PHF24: variants seen among roughly 807,000 people sequenced by gnomAD.
PHF24 encodes PHD finger protein 24, also known as Galpha inhibitory interacting protein.
Under a neutral mutation model 42.6 loss-of-function variants are expected in PHF24, and 25 were observed. The observed-to-expected ratio is 0.59, with a 90% CI of 0.43 to 0.82. PHF24 has a LOEUF of 0.82. PHF24 is among the 40% of genes least tolerant of loss of function. PHF24 has a pLI of 0.00. For synonymous variants in PHF24, 185 were observed against 204.8 expected (o/e 0.90, Z 0.83); for missense variants, 470 against 538.1 (o/e 0.87, Z 1.25).
At chr9:34,682,158 T>TA in the PHF24 span, among the ~76,000 whole-genome samples, 1 of 147,144 alleles carries the variant, frequency 6.8e-6, no homozygotes. Context: ...CTATTTTTTT[T>TA]TTTTTTTTTT....
At chr9:34,689,503 T>C in the PHF24 span, 1 of 311,614 alleles carries the variant, frequency 3.2e-6, no homozygotes, top group Non-Finnish European at 5.9e-6. This position sits in a 1 kb window ranked among gnomAD's most constrained non-coding sequence, Gnocchi z 4.1. Context: ...TTTTTTTTTT[T>C]TTTTAAGGCT....
the PHF24 span, among the ~76,000 whole-genome samples, chr9:34,857,534 T>C: frequency 6.6e-6 from 1 of 152,160 alleles, no homozygotes; most frequent in Admixed American, 6.5e-5. Context: ...ACTGCTTCCC[T>C]TGACTGAGGG....
the PHF24 span, among the ~76,000 whole-genome samples, chr9:34,850,314 T>A: frequency 1.3e-5 from 2 of 152,144 alleles, no homozygotes; most frequent in Non-Finnish European, 2.9e-5. Flanking sequence ...TTTATTCTTT[T>A]TTCTCTAAAC....
the PHF24 span, among the ~76,000 whole-genome samples, chr9:34,870,903 GT>G: frequency 6.6e-6 from 1 of 152,166 alleles, no homozygotes. Context: ...GAGTAAAGCT[GT>G]TATAAACATC....
chr9:34,865,756 A>G, the PHF24 span, among the ~76,000 whole-genome samples: 1 of 152,196 alleles, frequency 6.6e-6, no homozygotes, highest in Non-Finnish European at 1.5e-5. Flanking sequence ...TGAGGTTTCA[A>G]CTGGGGAAGG....
chr9:34,747,965 C>T, the PHF24 span, among the ~76,000 whole-genome samples: 2 of 151,948 alleles, frequency 1.3e-5, no homozygotes, highest in African/African-American at 4.8e-5. Context: ...AAATGCTAAA[C>T]AACAATGAAA....
chr9:34,838,673 A>C, the PHF24 span: 1 of 450,018 alleles, frequency 2.2e-6, no homozygotes, highest in Non-Finnish European at 4.0e-6. Context: ...AGGGAAGCTC[A>C]TGTGGTGATT....
At chr9:34,704,478 AGTGTGT>A in the PHF24 span, among the ~76,000 whole-genome samples, 1 of 150,712 alleles carries the variant, frequency 6.6e-6, no homozygotes, top group Non-Finnish European at 1.5e-5. Flanking sequence ...TGATTTCATT[AGTGTGT>A]GTGTGTGTGT....
At chr9:34,882,324 A>G in the PHF24 span, among the ~76,000 whole-genome samples, 2 of 152,212 alleles carry the variant, frequency 1.3e-5, no homozygotes, top group Non-Finnish European at 2.9e-5. Context: ...GCCCTCTCTC[A>G]CCACTCCTAT....
the PHF24 span, among the ~76,000 whole-genome samples, chr9:34,842,068 A>G: frequency 6.6e-6 from 1 of 152,182 alleles, no homozygotes; most frequent in Non-Finnish European, 1.5e-5. Flanking sequence ...CTAGAGTTTT[A>G]TATAAACGTA....
At chr9:34,720,439 G>A in the PHF24 span, among the ~76,000 whole-genome samples, 1 of 139,012 alleles carries the variant, frequency 7.2e-6, no homozygotes, top group East Asian at 2.1e-4. Flanking sequence ...GCGACAGAGC[G>A]AGACTCCGTC....
At chr9:34,741,943 T>C in the PHF24 span, among the ~76,000 whole-genome samples, 2 of 152,306 alleles carry the variant, frequency 1.3e-5, no homozygotes, top group African/African-American at 4.8e-5. Flanking sequence ...GATATGTGAT[T>C]CTCAGTGTGT....
At chr9:34,683,519 A>G in the PHF24 span, among the ~76,000 whole-genome samples, 3 of 152,202 alleles carry the variant, frequency 2.0e-5, no homozygotes, top group Non-Finnish European at 2.9e-5. Flanking sequence ...ATCCTGCACC[A>G]TGAAGGGTCT....
chr9:34,779,080 G>A, the PHF24 span, among the ~76,000 whole-genome samples: 4 of 152,030 alleles, frequency 2.6e-5, no homozygotes, highest in South Asian at 2.1e-4. Flanking sequence ...CTACCAAAAC[G>A]TATGGAAAGC....
At chr9:34,783,352 C>T in the PHF24 span, among the ~76,000 whole-genome samples, 29 of 152,272 alleles carry the variant, frequency 1.9e-4, 2 homozygotes, top group South Asian at 6.0e-3. Flanking sequence ...AGAACTGAAA[C>T]CATTTACTCC....
At chr9:34,816,248 G>A in the PHF24 span, among the ~76,000 whole-genome samples, 2 of 152,110 alleles carry the variant, frequency 1.3e-5, no homozygotes, top group Admixed American at 1.3e-4. Flanking sequence ...GAGTCACTGT[G>A]TTCTCACTGG....
the PHF24 span, among the ~76,000 whole-genome samples, chr9:34,739,198 C>G: frequency 6.6e-6 from 1 of 152,100 alleles, no homozygotes; most frequent in Non-Finnish European, 1.5e-5. Context: ...TAAGAAAGTT[C>G]AAGTTAAAAC....
the PHF24 span, among the ~76,000 whole-genome samples, chr9:34,714,024 G>A: frequency 2.0e-4 from 30 of 152,226 alleles, no homozygotes; most frequent in South Asian, 4.2e-4. Context: ...CTGTTGGGAG[G>A]GGGATAAAGA....
chr9:34,780,294 T>C, the PHF24 span, among the ~76,000 whole-genome samples: 39 of 89,852 alleles, frequency 4.3e-4, no homozygotes, highest in African/African-American at 1.2e-3. Flanking sequence ...TTTTTTCTTT[T>C]TTTCTTTTTT....
Sources: allele counts gnomAD v4.1 joint callset (sites outside exome capture counted in the v4.1 genomes callset), GRCh38; gene constraint gnomAD v4.1.1; non-coding constraint Gnocchi (gnomAD v3.1); transcripts MANE v1.5; gene names NCBI Gene and HGNC (gene_info 2026-07-23, HGNC 2026-07-21).